SHROOM3: variants seen among roughly 807,000 people sequenced by gnomAD.
SHROOM3 encodes shroom family member 3.
A neutral mutation model predicts 138.6 loss-of-function variants in SHROOM3; 47 were observed. The observed-to-expected ratio is 0.34, with a 90% confidence interval of 0.27 to 0.43. The LOEUF is 0.43. SHROOM3 is among the 20% of genes least tolerant of loss of function. The pLI is 1.00. For missense variants in SHROOM3, 2,491 were observed against 2,596.5 expected (o/e 0.96, Z 0.88); for synonymous variants, 1,062 against 1,063.3 (o/e 1.00, Z 0.02).
chr4:76,663,367 T>C (rs1449455274), intron 2 of SHROOM3, among the ~76,000 whole-genome samples: 1 of 152,024 alleles, frequency 6.6e-6, no homozygotes, highest in East Asian at 1.9e-4. Flanking sequence ...TAAGTAATCA[T>C]AGGCCTGGCA....
In SHROOM3 at chr4:76,778,138, TC is replaced by T. The variant is rs539022540; in HGVS notation, c.5623-668del. ...CTGAACCCTTGCATTTCTAACAATTTCCCAGGTGATGCCACTGCTGCTGGTC... is the reference window on the plus strand; with the variant it reads ...CTGAACCCTTGCATTTCTAACAATTTCCAGGTGATGCCACTGCTGCTGGTC... On this transcript the variant is annotated intron_variant, in intron 10 of 10. Transcript: ENST00000296043. Among the ~76,000 whole-genome samples, 439 of 152,190 alleles carry T rather than the reference TC, an allele frequency of 2.9e-3. 2 individuals are homozygous for T. The highest frequency in any genetic ancestry group is 4.8e-3 in the Non-Finnish European group (325 of 68,004).
intron 1 of SHROOM3, among the ~76,000 whole-genome samples, chr4:76,479,012 C>A (rs903268755): frequency 2.0e-5 from 3 of 152,084 alleles, no homozygotes; most frequent in African/African-American, 7.2e-5. Flanking sequence ...GATAAATCCA[C>A]GAAGATGAGA....
chr4:76,492,333 A>C (rs1037909785), intron 1 of SHROOM3, among the ~76,000 whole-genome samples: 9 of 152,216 alleles, frequency 5.9e-5, no homozygotes, highest in African/African-American at 9.6e-5. Flanking sequence ...GAATCAGAGC[A>C]AGTATGCTGT....
intron 1 of SHROOM3, among the ~76,000 whole-genome samples, chr4:76,542,052 G>A (rs1733116152): frequency 6.6e-6 from 1 of 152,164 alleles, no homozygotes; most frequent in Non-Finnish European, 1.5e-5. Context: ...TGAGGAGGAG[G>A]AGGAGGAGGA....
In SHROOM3 at chr4:76,740,574, G is replaced by A. The variant is rs1051991260; in HGVS notation, c.2401G>A (p.Gly801Ser). 1 of 1,614,102 alleles carries A rather than the reference G, an allele frequency of 6.2e-7. No homozygotes were observed. The highest frequency in any genetic ancestry group is 8.5e-7 in the Non-Finnish European group (1 of 1,180,024). The change falls in exon 5 of 11, where the codon GGC becomes AGC. Residue 801 changes from glycine (G) to serine (S), a missense_variant. Around this residue, in one of 4 missense-constraint regions of SHROOM3, gnomAD observed 1,733 missense variants for 1,661.6 expected, o/e 1.04. Transcript: ENST00000296043. This position sits in a 1 kb window ranked among gnomAD's most constrained non-coding sequence, Gnocchi z 4.0. ...GCAAGGGAGCCAGAGACCGAGTGTGGGCGGCTCTGGTTTTGGCCATAACTA... is the reference window on the plus strand; with the variant it reads ...GCAAGGGAGCCAGAGACCGAGTGTGAGCGGCTCTGGTTTTGGCCATAACTA... ...REQGSQRPSV[G>S]GSGFGHNYRP...
At position 76,739,578 on chromosome 4, in the gene SHROOM3, C is replaced by A. The variant is rs344141; in HGVS notation, c.1405C>A (p.Pro469Thr). The A allele has an allele frequency of 8.1e-6, 13 of 1,613,954 alleles. No individual in the cohort carries two copies. Among genetic ancestry groups the A allele is most frequent in the Middle Eastern group, 1.7e-4 (1 of 6,060 alleles). Residue 469 changes from proline (P) to threonine (T), a missense_variant, in exon 5 of 11, where the codon CCG (proline) becomes ACG (threonine). Coordinates refer to ENST00000296043, the MANE Select transcript of SHROOM3 (RefSeq NM_020859.4). Reference sequence around the variant, plus strand: ...ACCTCTGCTGCCGACCAGCATCTACCCGGTACCTTCCCTGGAGCCACACTT... The same window carrying A: ...ACCTCTGCTGCCGACCAGCATCTACACGGTACCTTCCCTGGAGCCACACTT... ...GQPLLPTSIYPVPSLEPHFAQ... is the reference protein window; with the variant it reads ...GQPLLPTSIYTVPSLEPHFAQ...
At position 76,779,184 on chromosome 4, in the gene SHROOM3, C is replaced by G; in HGVS notation, c.*7C>G. On this transcript the variant is annotated 3_prime_UTR_variant, in exon 11 of 11. Transcript: ENST00000296043. Reference sequence around the variant, plus strand: ...ATTAACCTCTCCACTTTAACCTCTTCTAAAATACCCAACCAAAAGATCACT... The same window carrying G: ...ATTAACCTCTCCACTTTAACCTCTTGTAAAATACCCAACCAAAAGATCACT... The G allele has an allele frequency of 6.3e-7, 1 of 1,590,456 alleles. No individual in the cohort carries two copies. Among genetic ancestry groups the G allele is most frequent in the Non-Finnish European group, 8.6e-7 (1 of 1,167,624 alleles).
In SHROOM3 at chr4:76,724,660, CAT is replaced by C. The variant is rs574729020; in HGVS notation, c.456-6143_456-6142del. 1.2e-4 allele frequency among the ~76,000 whole-genome samples: 19 copies of C among 152,268 alleles called. No homozygotes were observed. The South Asian group carries it at 1.5e-3, about 12-fold the overall frequency. On this transcript the variant is annotated intron_variant, in intron 3 of 10. Transcript: ENST00000296043. Reference sequence around the variant, plus strand: ...ACTACTCTTTACGTTAATATACACACATGTGATTTTCCCCACATACTGTAGCA... The same window carrying C: ...ACTACTCTTTACGTTAATATACACACGTGATTTTCCCCACATACTGTAGCA...
intron 2 of SHROOM3, among the ~76,000 whole-genome samples, chr4:76,615,684 G>A (rs1734860192): frequency 1.3e-5 from 2 of 152,170 alleles, no homozygotes; most frequent in Non-Finnish European, 1.5e-5. Flanking sequence ...CTCATGGCCA[G>A]GTCTGGAAAG....
At chr4:76,521,965 C>T (rs1732575409) in intron 1 of SHROOM3, among the ~76,000 whole-genome samples, 1 of 152,124 alleles carries the variant, frequency 6.6e-6, no homozygotes, top group Admixed American at 6.6e-5. Flanking sequence ...TCCTGCCAAA[C>T]ATGCTTAACC....
At chr4:76,715,965 A>C in intron 3 of SHROOM3, 1 of 184,254 alleles carries the variant, frequency 5.4e-6, no homozygotes, top group Non-Finnish European at 1.1e-5. Flanking sequence ...TTAGCAGAGA[A>C]GATCATTTAA....
chr4:76,750,100 A>G (rs781684252), intron 6 of SHROOM3, among the ~76,000 whole-genome samples: 1 of 152,212 alleles, frequency 6.6e-6, no homozygotes, highest in Non-Finnish European at 1.5e-5. Context: ...CTTTCTAGCC[A>G]AGATCAGCCT....
At chr4:76,596,820 T>C (rs1734398745) in intron 2 of SHROOM3, among the ~76,000 whole-genome samples, 1 of 152,248 alleles carries the variant, frequency 6.6e-6, no homozygotes, top group Admixed American at 6.5e-5. Flanking sequence ...TCTGGGATTC[T>C]GTCCCCTACA....
At chr4:76,679,634 G>A (rs1719133870) in intron 2 of SHROOM3, among the ~76,000 whole-genome samples, 2 of 152,018 alleles carry the variant, frequency 1.3e-5, no homozygotes, top group South Asian at 4.2e-4. Flanking sequence ...CTCAAGTCTT[G>A]TGCTTTTTGG....
intron 2 of SHROOM3, among the ~76,000 whole-genome samples, chr4:76,562,482 G>C (rs1424196297): frequency 6.6e-6 from 1 of 152,136 alleles, no homozygotes; most frequent in Non-Finnish European, 1.5e-5. Flanking sequence ...GCAAGTCAAT[G>C]ATCTTAAAAG....
chr4:76,448,682 T>C (rs1382520981), intron 1 of SHROOM3, among the ~76,000 whole-genome samples: 2 of 152,198 alleles, frequency 1.3e-5, no homozygotes, highest in Non-Finnish European at 2.9e-5. Flanking sequence ...TCCCACTTCC[T>C]TGTCAGCTTT....
chr4:76,727,233 A>G (rs1438347618), intron 3 of SHROOM3, among the ~76,000 whole-genome samples: 1 of 152,036 alleles, frequency 6.6e-6, no homozygotes, highest in Non-Finnish European at 1.5e-5. Context: ...AAGAGACTTT[A>G]TTTTTTCTTT....
At chr4:76,460,416 A>C (rs1731115707) in intron 1 of SHROOM3, among the ~76,000 whole-genome samples, 2 of 152,208 alleles carry the variant, frequency 1.3e-5, no homozygotes, top group Non-Finnish European at 2.9e-5. Context: ...TATGTATCTT[A>C]CTATCTAAGG....
intron 2 of SHROOM3, among the ~76,000 whole-genome samples, chr4:76,630,927 A>G (rs1291774571): frequency 1.3e-5 from 2 of 152,174 alleles, no homozygotes; most frequent in East Asian, 3.9e-4. Flanking sequence ...TAATTTGTAA[A>G]CTGCTGTTCC....
Sources: allele counts gnomAD v4.1 joint callset (sites outside exome capture counted in the v4.1 genomes callset), GRCh38; gene constraint gnomAD v4.1.1; regional missense constraint gnomAD v4.1.1; non-coding constraint Gnocchi (gnomAD v3.1); transcripts MANE v1.5; gene names NCBI Gene and HGNC (gene_info 2026-07-23, HGNC 2026-07-21).